The following MPHOSPH8 variants were observed in gnomAD, a reference collection of about 807,000 sequenced individuals.
MPHOSPH8 encodes M-phase phosphoprotein, mpp.
Under a neutral mutation model 87.3 loss-of-function variants are expected in MPHOSPH8, and 45 were observed. The ratio of observed to expected loss-of-function variants is 0.52; its 90% CI spans 0.41 to 0.66. The LOEUF is 0.66. Among genes scored for constraint, MPHOSPH8 ranks in the 30% least tolerant of loss-of-function variants. The pLI, the probability that MPHOSPH8 is intolerant of heterozygous loss-of-function variation, is 0.00. For missense variants in MPHOSPH8, 883 were observed against 1,020.2 expected (o/e 0.87, Z 1.83); for synonymous variants, 366 against 376.9 (o/e 0.97, Z 0.33).
At chr13:19,661,658 C>G in intron 7 of MPHOSPH8, 40 bp from the exon 8 acceptor site, 1 of 1,550,698 alleles carries the variant, frequency 6.4e-7, no homozygotes, top group Non-Finnish European at 8.8e-7. Flanking sequence ...ATTGTTCTGA[C>G]TAAAGATTAA....
In MPHOSPH8 at chr13:19,642,124, C is replaced by T. The variant is rs777668517; in HGVS notation, c.223C>T (p.Leu75Phe). Reference protein sequence around the residue: ...LDMKTEGGKVLYKVRWKGYTS... With the variant: ...LDMKTEGGKVFYKVRWKGYTS... ...TTATTTTCTATAACAGGGTAAAGTT[C>T]TTTACAAAGTTCGCTGGAAAGGCTA... Residue 75 changes from leucine (L) to phenylalanine (F), a missense_variant, in exon 2 of 14, where the codon CTT becomes TTT. Around this residue, in one of 3 missense-constraint regions of MPHOSPH8, gnomAD observed 103 missense variants for 96.3 expected, o/e 1.07. Transcript: ENST00000361479. 1 of 1,478,860 alleles carries T rather than the reference C, an allele frequency of 6.8e-7. No individual in the cohort carries two copies. The highest frequency in any genetic ancestry group is 9.0e-7 in the Non-Finnish European group (1 of 1,109,862). 91.6% of individuals were successfully genotyped at this position (1,478,860 alleles called of 1,614,324 possible).
At chr13:19,652,980 G>T (rs1214313281) in intron 5 of MPHOSPH8, among the ~76,000 whole-genome samples, 18 of 152,160 alleles carry the variant, frequency 1.2e-4, no homozygotes, top group Admixed American at 1.0e-3. Flanking sequence ...AGCAACTCGG[G>T]GAAGGGGCGG....
chr13:19,668,075 T>C (rs1875913599), intron 10 of MPHOSPH8, among the ~76,000 whole-genome samples: 1 of 152,208 alleles, frequency 6.6e-6, no homozygotes, highest in Admixed American at 6.5e-5. Context: ...TTTCCACTGA[T>C]TCATTAGACA....
intron 2 of MPHOSPH8, among the ~76,000 whole-genome samples, chr13:19,645,702 G>C (rs966833639): frequency 6.7e-6 from 1 of 148,742 alleles, no homozygotes; most frequent in African/African-American, 2.5e-5. Context: ...GTTGCAGTGA[G>C]TCACTGCACT....
At chr13:19,639,566 C>T (rs1874180011) in intron 1 of MPHOSPH8, among the ~76,000 whole-genome samples, 1 of 151,994 alleles carries the variant, frequency 6.6e-6, no homozygotes, top group Non-Finnish European at 1.5e-5. Flanking sequence ...GCCTCGGCCT[C>T]CCAAAGTGCT....
rs533238645 is a variant in MPHOSPH8, at chr13:19,672,236, C to A, written c.*361C>A. On this transcript the variant is annotated 3_prime_UTR_variant, in exon 14 of 14. Coordinates refer to ENST00000361479, the MANE Select transcript of MPHOSPH8 (RefSeq NM_017520.4). ...CTCGGCTCACTGCAAGCTCTGCCTCCTGGGTTCAAGTGATTCTCCTGCCTC... is the reference window on the plus strand; with the variant it reads ...CTCGGCTCACTGCAAGCTCTGCCTCATGGGTTCAAGTGATTCTCCTGCCTC... The A allele has an allele frequency of 1.0e-5, 2 of 192,252 alleles. No individual in the cohort carries two copies. The highest frequency in any genetic ancestry group is 2.1e-4 in the South Asian group (2 of 9,316). The allele number at this position is 192,252 out of a possible 1,614,324, so 11.9% of individuals were successfully genotyped here.
At chr13:19,655,930 T>C (rs922200125) in intron 5 of MPHOSPH8, among the ~76,000 whole-genome samples, 1 of 151,888 alleles carries the variant, frequency 6.6e-6, no homozygotes, top group Non-Finnish European at 1.5e-5. Flanking sequence ...CTGGGCAACA[T>C]GGTGAAACTC....
chr13:19,667,508 T>C (rs1132354), intron 10 of MPHOSPH8, among the ~76,000 whole-genome samples: 120,464 of 152,126 alleles, frequency 0.79, 48,953 homozygotes, highest in East Asian at 0.97. Context: ...AAGCCTGTGT[T>C]TTCCACCTTT....
intron 7 of MPHOSPH8, among the ~76,000 whole-genome samples, chr13:19,659,905 G>T (rs1387505217): frequency 1.3e-5 from 2 of 150,138 alleles, no homozygotes; most frequent in Non-Finnish European, 3.0e-5. Flanking sequence ...TTACAACAAT[G>T]GTCCATCTCT....
chr13:19,654,111 C>A (rs1197931132), intron 5 of MPHOSPH8, among the ~76,000 whole-genome samples: 15 of 152,188 alleles, frequency 9.9e-5, no homozygotes, highest in Non-Finnish European at 2.9e-5. Context: ...TCATCAGATT[C>A]ACCAAGGTTG....
rs192060891 is a variant in MPHOSPH8, at chr13:19,672,933, G to C, written c.*1058G>C. 3 of 374,844 alleles carry C rather than the reference G, an allele frequency of 8.0e-6. No individual in the cohort carries two copies. The highest frequency in any genetic ancestry group is 4.2e-5 in the African/African-American group (2 of 47,146). 23.2% of individuals were successfully genotyped at this position (374,844 alleles called of 1,614,324 possible). ...GGGTAACATGGGGTGGAACAAGCCTGTAGTCCCAGATACTCAGGAGGCTGA... is the reference window on the plus strand; with the variant it reads ...GGGTAACATGGGGTGGAACAAGCCTCTAGTCCCAGATACTCAGGAGGCTGA... On this transcript the variant is annotated 3_prime_UTR_variant, in exon 14 of 14. Transcript: ENST00000361479.
At chr13:19,662,172 C>T (rs191459886) in intron 8 of MPHOSPH8, among the ~76,000 whole-genome samples, 50 of 152,284 alleles carry the variant, frequency 3.3e-4, no homozygotes, top group African/African-American at 1.2e-3. Context: ...ATCTCCTGAC[C>T]TCGTGATCTG....
At position 19,672,778 on chromosome 13, in the gene MPHOSPH8, C is replaced by T. The variant is rs540417060; in HGVS notation, c.*903C>T. On this transcript the variant is annotated 3_prime_UTR_variant, in exon 14 of 14. Coordinates refer to ENST00000361479, the MANE Select transcript of MPHOSPH8 (RefSeq NM_017520.4). ...GATGTAGTAAGAATGTAAACCAGTA[C>T]ACTATGAGACCTAAAAGAGAGTATT... 4.7e-6 allele frequency: 1 copy of T among 214,856 alleles called. No homozygotes were observed. Among genetic ancestry groups the T allele is most frequent in the South Asian group, 7.9e-5 (1 of 12,680 alleles). The allele number at this position is 214,856 out of a possible 1,614,324, so 13.3% of individuals were successfully genotyped here.
chr13:19,660,915 T>C (rs1426161734), intron 7 of MPHOSPH8: 7 of 985,002 alleles, frequency 7.1e-6, no homozygotes, highest in Non-Finnish European at 8.4e-6. Flanking sequence ...TTTTGTATGG[T>C]GCAAACTTTT....
At chr13:19,642,875 TTAATAA>T (rs1201883697) in intron 2 of MPHOSPH8, among the ~76,000 whole-genome samples, 2 of 152,284 alleles carry the variant, frequency 1.3e-5, no homozygotes, top group Admixed American at 1.3e-4. Flanking sequence ...GTAGTAGTTG[TTAATAA>T]TAATAGCAAT....
At chr13:19,664,052 T>C (rs906772250) in intron 9 of MPHOSPH8, among the ~76,000 whole-genome samples, 1 of 152,146 alleles carries the variant, frequency 6.6e-6, no homozygotes, top group Non-Finnish European at 1.5e-5. Flanking sequence ...GGCACCATCA[T>C]GACTCACTGA....
intron 5 of MPHOSPH8, among the ~76,000 whole-genome samples, chr13:19,650,612 T>C (rs1874792922): frequency 6.6e-6 from 1 of 152,332 alleles, no homozygotes; most frequent in African/African-American, 2.4e-5. Flanking sequence ...TTTTACCCTT[T>C]TAATGTTGTA....
chr13:19,655,137 T>A (rs1238146139), intron 5 of MPHOSPH8, among the ~76,000 whole-genome samples: 1 of 152,110 alleles, frequency 6.6e-6, no homozygotes, highest in Non-Finnish European at 1.5e-5. Context: ...TAAAAACAAA[T>A]TATGAATAAA....
At chr13:19,661,905 C>G in intron 8 of MPHOSPH8, 67 bp downstream of exon 8, 1 of 1,489,918 alleles carries the variant, frequency 6.7e-7, no homozygotes, top group Admixed American at 2.2e-5. Flanking sequence ...CTGAGAGGAT[C>G]TCTTTGGTAG....
Sources: allele counts gnomAD v4.1 joint callset (sites outside exome capture counted in the v4.1 genomes callset), GRCh38; gene constraint gnomAD v4.1.1; regional missense constraint gnomAD v4.1.1; transcripts MANE v1.5; gene names NCBI Gene and HGNC (gene_info 2026-07-23, HGNC 2026-07-21).